PHC3: variants seen among roughly 807,000 people sequenced by gnomAD.
The protein encoded by PHC3 is polyhomeotic homolog 3.
Under a neutral mutation model 107.4 loss-of-function variants are expected in PHC3, and 13 were observed. That is an observed-to-expected ratio of 0.12 (90% CI 0.08 to 0.19). PHC3 has a LOEUF of 0.19. Ranked by LOEUF, PHC3 falls within the 10% of genes least tolerant of loss-of-function variation. PHC3 has a pLI of 1.00. For synonymous variants in PHC3, 456 were observed against 427.4 expected (o/e 1.07, Z -0.83); for missense variants, 992 against 1,210.9 (o/e 0.82, Z 2.68).
At chr3:170,123,356 T>C (rs199502140) in intron 8 of PHC3, among the ~76,000 whole-genome samples, 1 of 149,822 alleles carries the variant, frequency 6.7e-6, no homozygotes. Context: ...TTGAAATGCA[T>C]ACACACACAC....
At chr3:170,124,838 A>G (rs59485345) in intron 8 of PHC3, among the ~76,000 whole-genome samples, 6,838 of 152,258 alleles carry the variant, frequency 0.045, 339 homozygotes, top group African/African-American at 0.12. Flanking sequence ...ATGTGTTGTA[A>G]AAGGGACAAT....
chr3:170,108,140 C>G (rs1422403442), intron 11 of PHC3, among the ~76,000 whole-genome samples: 1 of 152,122 alleles, frequency 6.6e-6, no homozygotes, highest in Non-Finnish European at 1.5e-5. Context: ...CATAATTCCT[C>G]TGCCAAGTCA....
chr3:170,140,416 G>A (rs977097342), intron 6 of PHC3, among the ~76,000 whole-genome samples: 3 of 150,184 alleles, frequency 2.0e-5, no homozygotes, highest in African/African-American at 2.5e-5. Flanking sequence ...ACCATGTCTG[G>A]CTAATTTTTC....
Position 170,102,688 on chromosome 3 carries a change from G to A in PHC3, c.2624C>T (p.Ala875Val), listed in dbSNP as rs746664799. The stretch of plus-strand genomic sequence containing the variant: ...TTCATGAGAAGCCAAGTCTTCTTCT[G>A]CAGATGGATAAGTAATTGGAAGCTG... ...LRQLPITYPS[A>V]EEDLASHEDS... Residue 875 changes from alanine (A) to valine (V), a missense_variant, in exon 14 of 15, where the codon GCA (alanine) becomes GTA (valine). Ala to Val is a moderately conservative substitution (Grantham distance 64, BLOSUM62 0). This residue lies in a region of PHC3 where 228 missense variants were observed against 288.8 expected (regional missense o/e 0.79). Coordinates refer to ENST00000495893, the MANE Select transcript of PHC3 (RefSeq NM_024947.4). 5.6e-6 allele frequency: 9 copies of A among 1,613,842 alleles called. No homozygotes were observed. The highest frequency in any genetic ancestry group is 5.9e-6 in the Non-Finnish European group (7 of 1,179,858).
At chr3:170,132,243 A>C (rs926566679) in intron 7 of PHC3, among the ~76,000 whole-genome samples, 20 of 152,212 alleles carry the variant, frequency 1.3e-4, no homozygotes, top group Admixed American at 1.2e-3. Context: ...TAACTACAAC[A>C]ACCCCATGAA....
chr3:170,169,927 G>C (rs1052171550), intron 4 of PHC3: 21 of 152,026 alleles, frequency 1.4e-4, no homozygotes, highest in African/African-American at 4.6e-4. Context: ...AAAAACTCCA[G>C]TATTAATGCT....
intron 14 of PHC3, among the ~76,000 whole-genome samples, chr3:170,099,012 T>C (rs1478976248): frequency 2.0e-5 from 3 of 152,136 alleles, no homozygotes; most frequent in Non-Finnish European, 4.4e-5. Context: ...AAAGAACTAA[T>C]GTTCTTCTCT....
In PHC3 at chr3:170,103,078, A is replaced by G. The variant is rs552558649; in HGVS notation, c.2469-144T>C. On this transcript the variant is annotated intron_variant, in intron 12 of 14. Transcript: ENST00000495893. ...ATGTAAGACCTCATAAAGTAACTAC[A>G]CTGTTCAATGGATTTACTTATGCTA... is the stretch of plus-strand genomic sequence containing the variant. The G allele has an allele frequency of 5.9e-6, 5 of 851,932 alleles. No individual in the cohort carries two copies. The Admixed American group carries it at 1.3e-4, about 23-fold the overall frequency. The allele number at this position is 851,932 out of a possible 1,614,324, so 52.8% of individuals were successfully genotyped here.
intron 10 of PHC3, 116 bp downstream of exon 10, chr3:170,117,110 T>C: frequency 1.5e-6 from 2 of 1,300,214 alleles, no homozygotes; most frequent in Non-Finnish European, 2.1e-6. Context: ...TAGATTAAAA[T>C]GGACAACTTT....
In PHC3 at chr3:170,171,313, CT is replaced by C. The variant is rs1351382174; in HGVS notation, c.414+59del. The C allele has an allele frequency of 5.6e-6, 7 of 1,248,816 alleles. No individual in the cohort carries two copies. The African/African-American group carries it at 7.7e-5, about 14-fold the overall frequency. The allele number at this position is 1,248,816 out of a possible 1,614,324, so 77.4% of individuals were successfully genotyped here. ...CAGCTTCATAAATAACAACAGTTTA[CT>C]TTTGGAAAACAATTCTTTAAAATTT... On this transcript the variant is annotated intron_variant, in intron 4 of 14. Coordinates refer to ENST00000495893, the MANE Select transcript of PHC3 (RefSeq NM_024947.4).
chr3:170,164,695 T>C (rs1728451165), intron 4 of PHC3, among the ~76,000 whole-genome samples: 1 of 152,116 alleles, frequency 6.6e-6, no homozygotes. Flanking sequence ...TGGATTTTCA[T>C]TTTGCCTCTT....
chr3:170,116,119 T>C (rs1055319137), intron 10 of PHC3, among the ~76,000 whole-genome samples: 1 of 152,222 alleles, frequency 6.6e-6, no homozygotes, highest in African/African-American at 2.4e-5. Context: ...TTGTAAGACC[T>C]GTAGTGATAG....
chr3:170,120,692 T>C (rs897061283), intron 9 of PHC3, among the ~76,000 whole-genome samples: 5 of 152,104 alleles, frequency 3.3e-5, no homozygotes, highest in African/African-American at 1.2e-4. Flanking sequence ...TTTTATGCTC[T>C]CTAGAGATTT....
chr3:170,172,166 T>C (rs1361660248), intron 3 of PHC3, among the ~76,000 whole-genome samples: 1 of 152,134 alleles, frequency 6.6e-6, no homozygotes, highest in African/African-American at 2.4e-5. Flanking sequence ...AGCTTTACTT[T>C]ATCTCTTATA....
intron 6 of PHC3, among the ~76,000 whole-genome samples, chr3:170,143,299 A>G (rs1418699660): frequency 1.3e-5 from 2 of 152,238 alleles, no homozygotes; most frequent in African/African-American, 4.8e-5. Context: ...TAACAGAGAT[A>G]AAGTTCTCAT....
intron 11 of PHC3, among the ~76,000 whole-genome samples, chr3:170,108,684 T>G (rs1717035344): frequency 6.6e-6 from 1 of 152,316 alleles, no homozygotes; most frequent in East Asian, 1.9e-4. Context: ...TATTTTGTCA[T>G]GCTTATAATC....
At chr3:170,143,892 T>C (rs1724509988) in intron 6 of PHC3, among the ~76,000 whole-genome samples, 1 of 152,160 alleles carries the variant, frequency 6.6e-6, no homozygotes, top group Admixed American at 6.5e-5. Context: ...TTTTTCACTA[T>C]AGTTTTTCCT....
chr3:170,119,036 TAAAAAAAAA>T (rs1002478959), intron 9 of PHC3, among the ~76,000 whole-genome samples: 8 of 72,670 alleles, frequency 1.1e-4, no homozygotes, highest in East Asian at 3.5e-4. Flanking sequence ...TATAAAAAGC[TAAAAAAAAA>T]AAAAAAAAAA....
At chr3:170,119,036 T>TAAAAAAAAAAAAAA (rs1002478959) in intron 9 of PHC3, among the ~76,000 whole-genome samples, 13 of 72,596 alleles carry the variant, frequency 1.8e-4, no homozygotes, top group East Asian at 7.0e-4. Flanking sequence ...TATAAAAAGC[T>TAAAAAAAAAAAAAA]AAAAAAAAAA....
Sources: gnomAD v4.1 joint callset for allele counts (sites outside exome capture counted in the v4.1 genomes callset) on GRCh38, gnomAD v4.1.1 for gene constraint, gnomAD v4.1.1 regional missense constraint, MANE v1.5 for transcripts, NCBI Gene and HGNC (gene_info 2026-07-23, HGNC 2026-07-21) for gene names.